NPLOC4: variants seen among roughly 807,000 people sequenced by gnomAD.
NPLOC4 encodes NPL4 homolog, ubiquitin recognition factor, also known as nuclear protein localization protein 4 homolog.
A neutral mutation model predicts 80.6 loss-of-function variants in NPLOC4; 18 were observed. The observed-to-expected ratio is 0.22, with a 90% confidence interval of 0.15 to 0.33. The LOEUF is 0.33. NPLOC4 is among the 10% of genes least tolerant of loss of function. The pLI is 1.00. For missense variants in NPLOC4, 540 were observed against 786.1 expected, an observed-to-expected ratio of 0.69 and a Z score of 3.74; for synonymous variants, 313 against 301.5, an observed-to-expected ratio of 1.04 and a Z score of -0.39.
In NPLOC4 at chr17:81,572,775, A is replaced by T. The variant is rs1045925416; in HGVS notation, c.1282-687T>A. 6.6e-6 allele frequency among the ~76,000 whole-genome samples: 1 copy of T among 152,240 alleles called. No individual in the cohort carries two copies. The highest frequency in any genetic ancestry group is 1.9e-4 in the East Asian group (1 of 5,202). The stretch of plus-strand genomic sequence containing the variant: ...TGGACCTGTGCCCTGTCTATCCTCC[A>T]AAAGCACATGAATCCTCACAGTCTG... On this transcript the variant is annotated intron_variant, in intron 12 of 16. Coordinates refer to ENST00000331134, the MANE Select transcript of NPLOC4 (RefSeq NM_017921.4). This position sits in a 1 kb window ranked among gnomAD's most constrained non-coding sequence, Gnocchi z 4.5.
intron 2 of NPLOC4, among the ~76,000 whole-genome samples, chr17:81,629,474 C>T (rs2035878644): frequency 6.6e-6 from 1 of 152,138 alleles, no homozygotes; most frequent in Non-Finnish European, 1.5e-5. Flanking sequence ...AGGTGTGAGC[C>T]ACCACGCCCA....
rs919319403 is a variant in NPLOC4, at chr17:81,558,904, C to T, written c.*355G>A. 1 of 189,616 alleles carries T rather than the reference C, an allele frequency of 5.3e-6. No homozygotes were observed. The highest frequency in any genetic ancestry group is 1.1e-5 in the Non-Finnish European group (1 of 92,986). 11.7% of individuals were successfully genotyped at this position (189,616 alleles called of 1,614,324 possible). A position where few individuals can be genotyped will look rare whatever the true frequency, so the allele number is the denominator to read the frequency against. Reference sequence around the variant, plus strand: ...AAAAGCACTGAAAATAAAGAGAAGGCTGGGTGGTGGCAGCATCGGCCCCTC... The same window carrying T: ...AAAAGCACTGAAAATAAAGAGAAGGTTGGGTGGTGGCAGCATCGGCCCCTC... On this transcript the variant is annotated 3_prime_UTR_variant, in exon 17 of 17. Transcript: ENST00000331134.
In NPLOC4 at chr17:81,577,441, G is replaced by A. The variant is rs1284347527; in HGVS notation, c.1282-5353C>T. ...CCACAGCTTGGCTCATCTACTTCCG[G>A]GTTAGCTCAACGCCCTCTTCTTTTC... On this transcript the variant is annotated intron_variant, in intron 12 of 16. Coordinates refer to ENST00000331134, the MANE Select transcript of NPLOC4 (RefSeq NM_017921.4). The surrounding 1 kb of genome is among the most constrained non-coding windows in gnomAD (Gnocchi z 4.3). Among the ~76,000 whole-genome samples, 2 of 151,944 alleles carry A rather than the reference G, an allele frequency of 1.3e-5. No homozygotes were observed. Among genetic ancestry groups the A allele is most frequent in the Non-Finnish European group, 2.9e-5 (2 of 67,994 alleles).
intron 3 of NPLOC4, among the ~76,000 whole-genome samples, chr17:81,616,177 C>G (rs148654943): frequency 6.6e-6 from 1 of 151,404 alleles, no homozygotes; most frequent in South Asian, 2.1e-4. Flanking sequence ...AAAAATTAGC[C>G]GGGGGTGGTG....
At chr17:81,611,832 C>T (rs1456572765) in intron 4 of NPLOC4, among the ~76,000 whole-genome samples, 1 of 151,192 alleles carries the variant, frequency 6.6e-6, no homozygotes, top group Non-Finnish European at 1.5e-5. Context: ...TGGTGGCGGG[C>T]GCCTGTAGTC....
chr17:81,615,080 C>T (rs2035442870), intron 3 of NPLOC4, among the ~76,000 whole-genome samples: 1 of 149,906 alleles, frequency 6.7e-6, no homozygotes, highest in Non-Finnish European at 1.5e-5. Flanking sequence ...CAAACATTAC[C>T]ACATCAGAGA....
chr17:81,576,499 C>A (rs905285153), intron 12 of NPLOC4, among the ~76,000 whole-genome samples: 1 of 152,090 alleles, frequency 6.6e-6, no homozygotes, highest in African/African-American at 2.4e-5. Flanking sequence ...ATATGGAGGT[C>A]CTGGAACCAA....
intron 2 of NPLOC4, among the ~76,000 whole-genome samples, chr17:81,628,078 G>C (rs1164667112): frequency 6.6e-6 from 1 of 151,630 alleles, no homozygotes; most frequent in African/African-American, 2.4e-5. Flanking sequence ...CAGGCATGGT[G>C]GTGGGCGCCT....
intron 11 of NPLOC4, among the ~76,000 whole-genome samples, chr17:81,594,080 T>C (rs7406463): frequency 0.14 from 21,678 of 151,690 alleles, 1,835 homozygotes; most frequent in Admixed American, 0.23. Context: ...GAGACCATCC[T>C]GGCTAACACG....
Position 81,567,367 on chromosome 17 carries a change from T to C in NPLOC4, c.1566+50A>G. The C allele has an allele frequency of 8.7e-7, 1 of 1,144,860 alleles. No homozygotes were observed. The highest frequency in any genetic ancestry group is 1.3e-6 in the Non-Finnish European group (1 of 764,404). 70.9% of individuals were successfully genotyped at this position (1,144,860 alleles called of 1,614,324 possible). On this transcript the variant is annotated intron_variant, in intron 15 of 16. Coordinates refer to ENST00000331134, the MANE Select transcript of NPLOC4 (RefSeq NM_017921.4). This position sits in a 1 kb window ranked among gnomAD's most constrained non-coding sequence, Gnocchi z 4.5. ...AAGAAAGCAAGACACAGGCGTCTCT[T>C]TGCAGCCAAAGCCCACTTGCTCAAG... is the stretch of plus-strand genomic sequence containing the variant.
chr17:81,578,078 C>A (rs1421272958), intron 12 of NPLOC4, among the ~76,000 whole-genome samples: 2 of 152,210 alleles, frequency 1.3e-5, no homozygotes, highest in African/African-American at 4.8e-5. Context: ...CTGACTCAGG[C>A]TACTGGCATC....
chr17:81,595,518 A>G (rs1284765526), intron 11 of NPLOC4, among the ~76,000 whole-genome samples: 1 of 118,492 alleles, frequency 8.4e-6, no homozygotes, highest in Non-Finnish European at 1.8e-5. Context: ...ATATATACAT[A>G]TACATATATA....
intron 2 of NPLOC4, among the ~76,000 whole-genome samples, chr17:81,624,303 A>C (rs759081337): frequency 1.3e-5 from 2 of 152,318 alleles, no homozygotes; most frequent in Non-Finnish European, 2.9e-5. Flanking sequence ...TTGTTATCCC[A>C]GCTACTCAGG....
In NPLOC4 at chr17:81,559,120, A is replaced by G. The variant is rs1009651472; in HGVS notation, c.*139T>C. 6.2e-6 allele frequency: 6 copies of G among 961,336 alleles called. No individual in the cohort carries two copies. Among genetic ancestry groups the G allele is most frequent in the African/African-American group, 3.3e-5 (2 of 60,378 alleles). The allele number at this position is 961,336 out of a possible 1,614,324, so 59.6% of individuals were successfully genotyped here. On this transcript the variant is annotated 3_prime_UTR_variant, in exon 17 of 17. Coordinates refer to ENST00000331134, the MANE Select transcript of NPLOC4 (RefSeq NM_017921.4). ...ACGTGCTGAGAAGCTTCAGTGGGTC[A>G]GGGAGCCCAGGACAGCCAGCCCCTT...
chr17:81,593,167 A>T (rs1008124843), intron 11 of NPLOC4, among the ~76,000 whole-genome samples: 9 of 152,160 alleles, frequency 5.9e-5, no homozygotes, highest in African/African-American at 1.2e-4. Context: ...CTGTTTTATA[A>T]ATAGCCACAA....
chr17:81,604,485 A>C lies in NPLOC4; in HGVS notation c.834+63T>G, dbSNP rs566083221. 9.3e-6 allele frequency: 14 copies of C among 1,511,002 alleles called. No homozygotes were observed. In the African/African-American group the frequency reaches 1.7e-4, roughly 18 times the overall value. 93.6% of individuals were successfully genotyped at this position (1,511,002 alleles called of 1,614,324 possible). A position where few individuals can be genotyped will look rare whatever the true frequency, so the allele number is the denominator to read the frequency against. ...AAGCGAACAGGGCAAGGCCTCTCCG[A>C]AAGGGCGTCCCCCACAGCCTCCAAA... On this transcript the variant is annotated intron_variant, in intron 8 of 16. Coordinates refer to ENST00000331134, the MANE Select transcript of NPLOC4 (RefSeq NM_017921.4).
At chr17:81,586,573 G>C (rs1316895527) in intron 12 of NPLOC4, among the ~76,000 whole-genome samples, 1 of 147,416 alleles carries the variant, frequency 6.8e-6, no homozygotes, top group East Asian at 2.0e-4. Context: ...TCGCGCCACT[G>C]TACTCCAGCC....
chr17:81,578,188 T>G (rs1012250623), intron 12 of NPLOC4, among the ~76,000 whole-genome samples: 4 of 152,188 alleles, frequency 2.6e-5, no homozygotes, highest in Non-Finnish European at 5.9e-5. Context: ...AGTCTTTCCA[T>G]GGCCTCCCAC....
rs1248238624 is a variant in NPLOC4 at position 81,572,893 on chromosome 17, A to G, written c.1282-805T>C. ...CATTAATAAAATAAAGGCATGCACA[A>G]ATGAGCGCACACACAAATATGAAGA... On this transcript the variant is annotated intron_variant, in intron 12 of 16. Coordinates refer to ENST00000331134, the MANE Select transcript of NPLOC4 (RefSeq NM_017921.4). The surrounding 1 kb of genome is among the most constrained non-coding windows in gnomAD (Gnocchi z 4.5). Among the ~76,000 whole-genome samples the G allele has an allele frequency of 6.6e-6, 1 of 152,206 alleles. No homozygotes were observed. The highest frequency in any genetic ancestry group is 6.5e-5 in the Admixed American group (1 of 15,276).
Sources: allele counts gnomAD v4.1 joint callset (sites outside exome capture counted in the v4.1 genomes callset), GRCh38; gene constraint gnomAD v4.1.1; non-coding constraint Gnocchi (gnomAD v3.1); transcripts MANE v1.5; gene names NCBI Gene and HGNC (gene_info 2026-07-23, HGNC 2026-07-21).